Variants in DMD observed in about 807,000 individuals in gnomAD.
DMD encodes the protein mutant dystrophin.
In DMD, 63 loss-of-function variants were observed where a neutral mutation model predicts 330.1. The ratio of observed to expected loss-of-function variants is 0.19; its 90% CI spans 0.16 to 0.24. The LOEUF (loss-of-function observed/expected upper bound fraction) is 0.24, where lower values mean the gene tolerates loss of function less well. DMD is among the 10% of genes least tolerant of loss of function. The pLI is 1.00. For missense variants in DMD, 3,344 were observed against 2,684.1 expected (o/e 1.25, Z -5.43); for synonymous variants, 1,223 against 959.8 (o/e 1.27, Z -5.07).
chrX:31,296,448 G>C (rs7881611), intron 62 of DMD, among the ~76,000 whole-genome samples: 6,165 of 111,428 alleles, frequency 0.055, 449 homozygotes, highest in African/African-American at 0.19. Flanking sequence ...TTCAGTAAAG[G>C]CAATTTTGTC....
chrX:31,461,765 C>A (rs2066542442), intron 59 of DMD, among the ~76,000 whole-genome samples: 1 of 111,209 alleles, frequency 9.0e-6, no homozygotes, highest in Non-Finnish European at 1.9e-5. Context: ...TAAAAAAAGC[C>A]AAGTTGAATA....
intron 52 of DMD, among the ~76,000 whole-genome samples, 156 bp from the exon 53 acceptor site, chrX:31,679,742 C>T (rs370954077): frequency 1.8e-5 from 2 of 112,325 alleles, no homozygotes; most frequent in East Asian, 2.8e-4. Flanking sequence ...GGATTCTTTG[C>T]TTTTTTGATG....
chrX:31,912,922 T>G (rs908682451), intron 47 of DMD, among the ~76,000 whole-genome samples: 1 of 112,898 alleles, frequency 8.9e-6, no homozygotes, highest in Non-Finnish European at 1.9e-5. Context: ...GATAAGTCTT[T>G]GAAGATTGGT....
At chrX:32,459,669 G>T (rs1005303580) in intron 25 of DMD, among the ~76,000 whole-genome samples, 24 of 110,903 alleles carry the variant, frequency 2.2e-4, no homozygotes, top group Non-Finnish European at 4.2e-4. Context: ...CTACAATGTA[G>T]CTCATAACAG....
At chrX:32,933,337 C>T (rs1453446308) in intron 2 of DMD, among the ~76,000 whole-genome samples, 1 of 110,996 alleles carries the variant, frequency 9.0e-6, no homozygotes, top group Admixed American at 9.6e-5. Context: ...CTTACACTTG[C>T]CATTGGTCGG....
intron 2 of DMD, among the ~76,000 whole-genome samples, chrX:32,957,929 G>A (rs944463133): frequency 3.6e-5 from 4 of 112,038 alleles, no homozygotes; most frequent in African/African-American, 1.3e-4. Flanking sequence ...ATCATCAGAA[G>A]CATTAGCCAA....
chrX:33,079,279 T>C (rs111696575), intron 1 of DMD, among the ~76,000 whole-genome samples: 5,285 of 111,539 alleles, frequency 0.047, 296 homozygotes, highest in African/African-American at 0.17. Flanking sequence ...CCTAACGTGC[T>C]GGGATTACAG....
chrX:33,258,261 A>T (rs1988380156), intron 1 of DMD, among the ~76,000 whole-genome samples: 1 of 111,301 alleles, frequency 9.0e-6, no homozygotes, highest in Admixed American at 9.6e-5. Flanking sequence ...AACTCACTTT[A>T]AAAGATCCGC....
chrX:33,151,087 G>A (rs1277592649), intron 1 of DMD, among the ~76,000 whole-genome samples: 4 of 112,552 alleles, frequency 3.6e-5, no homozygotes, highest in Non-Finnish European at 7.5e-5. Flanking sequence ...GCTGCCCTCT[G>A]GCATGGAGTT....
intron 55 of DMD, among the ~76,000 whole-genome samples, chrX:31,511,422 G>C (rs12400155): frequency 0.14 from 13,667 of 100,079 alleles, 997 homozygotes; most frequent in African/African-American, 0.22. Context: ...ATGCTGGTGC[G>C]CTGCACCCAC....
intron 7 of DMD, among the ~76,000 whole-genome samples, chrX:32,793,810 C>T (rs890518105): frequency 1.8e-5 from 2 of 111,279 alleles, no homozygotes; most frequent in Non-Finnish European, 3.8e-5. Flanking sequence ...GTCTTTACTG[C>T]TGAATTCTAC....
intron 55 of DMD, among the ~76,000 whole-genome samples, chrX:31,565,076 G>C (rs1780054006): frequency 8.9e-6 from 1 of 112,049 alleles, no homozygotes. Context: ...TTTTAGTTTT[G>C]AGATAATTGT....
intron 51 of DMD, among the ~76,000 whole-genome samples, chrX:31,748,622 T>G (rs1223150345): frequency 8.9e-6 from 1 of 112,103 alleles, no homozygotes; most frequent in Non-Finnish European, 1.9e-5. Context: ...TAATAACTAG[T>G]TATTGTGCTT....
chrX:32,742,632 AAG>A (rs924726827), intron 7 of DMD, among the ~76,000 whole-genome samples: 2 of 111,837 alleles, frequency 1.8e-5, no homozygotes, highest in African/African-American at 6.5e-5. Context: ...AATGGGACAA[AAG>A]AATCAGGAAT....
intron 44 of DMD, among the ~76,000 whole-genome samples, chrX:32,177,642 C>G (rs780103699): frequency 1.3e-4 from 14 of 110,992 alleles, no homozygotes; most frequent in Admixed American, 9.7e-5. Context: ...CTCTCTCTCT[C>G]TCTCAGAATC....
intron 29 of DMD, among the ~76,000 whole-genome samples, chrX:32,428,878 C>T (rs1158492619): frequency 1.8e-5 from 2 of 111,668 alleles, no homozygotes; most frequent in Non-Finnish European, 3.8e-5. Flanking sequence ...TCTCAAAGTG[C>T]TGGGATTAGA....
At chrX:31,465,220 T>C (rs750114353) in intron 59 of DMD, among the ~76,000 whole-genome samples, 16 of 111,451 alleles carry the variant, frequency 1.4e-4, no homozygotes, top group Non-Finnish European at 2.8e-4. Context: ...TTTATTATTA[T>C]TATACTTTAA....
At chrX:33,149,135 A>C (rs2148618971) in intron 1 of DMD, among the ~76,000 whole-genome samples, 1 of 110,965 alleles carries the variant, frequency 9.0e-6, no homozygotes, top group East Asian at 2.8e-4. Flanking sequence ...ACATTGTATT[A>C]TATAATAAAA....
chrX:31,825,674 T>C (rs5971598), intron 49 of DMD, among the ~76,000 whole-genome samples: 27,658 of 111,024 alleles, frequency 0.25, 2,493 homozygotes, highest in East Asian at 0.34. Flanking sequence ...GCTTTGAATT[T>C]CATGTTCCTC....
Sources: gnomAD v4.1 joint callset for allele counts (sites outside exome capture counted in the v4.1 genomes callset) on GRCh38, gnomAD v4.1.1 for gene constraint, MANE v1.5 for transcripts, NCBI Gene and HGNC (gene_info 2026-07-23, HGNC 2026-07-21) for gene names.